CARM1: variants seen among roughly 807,000 people sequenced by gnomAD.
The protein encoded by CARM1 is coactivator associated arginine methyltransferase 1, also known as histone-arginine methyltransferase CARM1.
CARM1 carries 14 observed loss-of-function variants against 72.7 expected under a neutral mutation model. That is an observed-to-expected ratio of 0.19 (90% CI 0.13 to 0.30). CARM1 has a LOEUF of 0.30. CARM1 is among the 10% of genes least tolerant of loss of function. CARM1 has a pLI of 1.00. For synonymous variants in CARM1, 333 were observed against 345.5 expected, an observed-to-expected ratio of 0.96 and a Z score of 0.40; for missense variants, 432 against 833.7, an observed-to-expected ratio of 0.52 and a Z score of 5.93.
In CARM1 at chr19:10,920,131, T is replaced by C. The variant is rs957274589; in HGVS notation, c.1196+165T>C. ...GAGACTGTTGTGGGTGGGGTGTGTGTGTGTGTGTGTGTATGTGTGTGTGTG... is the reference window on the plus strand; with the variant it reads ...GAGACTGTTGTGGGTGGGGTGTGTGCGTGTGTGTGTGTATGTGTGTGTGTG... On this transcript the variant is annotated intron_variant, in intron 10 of 15. Coordinates refer to ENST00000327064, the MANE Select transcript of CARM1 (RefSeq NM_199141.2). This position sits in a 1 kb window ranked among gnomAD's most constrained non-coding sequence, Gnocchi z 5.3. Among the ~76,000 whole-genome samples, 2 of 151,506 alleles carry C rather than the reference T, an allele frequency of 1.3e-5. No individual in the cohort carries two copies. The highest frequency in any genetic ancestry group is 2.9e-5 in the Non-Finnish European group (2 of 67,860).
In CARM1 at chr19:10,901,175, A is replaced by G. The variant is rs150753825; in HGVS notation, c.221-3776A>G. 1.3e-3 allele frequency among the ~76,000 whole-genome samples: 200 copies of G among 148,984 alleles called. 2 individuals are homozygous for G. The highest frequency in any genetic ancestry group is 4.6e-3 in the African/African-American group (187 of 40,220). On this transcript the variant is annotated intron_variant, in intron 1 of 15. Transcript: ENST00000327064. Reference sequence around the variant, plus strand: ...TTTTTGTGTTTTTAGTAGAGACGGCATTTTGCCATGTTGACCAGGCTGGTC... The same window carrying G: ...TTTTTGTGTTTTTAGTAGAGACGGCGTTTTGCCATGTTGACCAGGCTGGTC...
At chr19:10,897,541 C>T (rs1257369236) in intron 1 of CARM1, among the ~76,000 whole-genome samples, 3 of 152,192 alleles carry the variant, frequency 2.0e-5, no homozygotes, top group South Asian at 2.1e-4. Context: ...TCATCAGGGC[C>T]GACTGCAGTG....
At position 10,905,020 on chromosome 19, in the gene CARM1, C is replaced by T; in HGVS notation, c.290C>T (p.Ser97Phe). 1 of 1,614,202 alleles carries T rather than the reference C, an allele frequency of 6.2e-7. No individual in the cohort carries two copies. Among genetic ancestry groups the T allele is most frequent in the Non-Finnish European group, 8.5e-7 (1 of 1,180,012 alleles). ...ETECSRVGKQ[S>F]FIITLGCNSV... is the part of the protein sequence containing the mutation. Reference sequence around the variant, plus strand: ...GAGTGCAGCCGTGTGGGCAAGCAGTCCTTCATCATCACCCTGGGCTGCAAC... The same window carrying T: ...GAGTGCAGCCGTGTGGGCAAGCAGTTCTTCATCATCACCCTGGGCTGCAAC... Residue 97 changes from serine to phenylalanine, a missense_variant, in exon 2 of 16, where the codon TCC (serine) becomes TTC (phenylalanine). By Grantham distance (155) the Ser-to-Phe change is radical. Coordinates refer to ENST00000327064, the MANE Select transcript of CARM1 (RefSeq NM_199141.2).
intron 1 of CARM1, among the ~76,000 whole-genome samples, chr19:10,891,605 A>C (rs573299810): frequency 1.7e-4 from 26 of 152,298 alleles, no homozygotes; most frequent in African/African-American, 6.0e-4. Context: ...GCAGGGTCCA[A>C]AAGGATGTTG....
rs963156066 is a variant in CARM1, at chr19:10,915,232, G to C, written c.848-1175G>C. Among the ~76,000 whole-genome samples, 2 of 152,288 alleles carry C rather than the reference G, an allele frequency of 1.3e-5. No individual in the cohort carries two copies. Among genetic ancestry groups the C allele is most frequent in the Admixed American group, 1.3e-4 (2 of 15,296 alleles). On this transcript the variant is annotated intron_variant, in intron 6 of 15. Coordinates refer to ENST00000327064, the MANE Select transcript of CARM1 (RefSeq NM_199141.2). The surrounding 1 kb of genome is among the most constrained non-coding windows in gnomAD (Gnocchi z 4.6). Reference sequence around the variant, plus strand: ...TATGGGAAGCAAGGCTGCTCCAGGGGCTGTGGGCCCCACTCTCCTCCCCTT... The same window carrying C: ...TATGGGAAGCAAGGCTGCTCCAGGGCCTGTGGGCCCCACTCTCCTCCCCTT...
At chr19:10,904,809 A>G (rs571928854) in intron 1 of CARM1, 142 bp from the exon 2 acceptor site, 106 of 1,085,872 alleles carry the variant, frequency 9.8e-5, no homozygotes, top group South Asian at 1.3e-4. Context: ...GCACCCGGCA[A>G]TGCTGCCAGG....
At chr19:10,902,290 CTTTTTTT>C (rs869120010) in intron 1 of CARM1, among the ~76,000 whole-genome samples, 1 of 114,782 alleles carries the variant, frequency 8.7e-6, no homozygotes, top group Non-Finnish European at 1.7e-5. Flanking sequence ...ATTGTTGTTT[CTTTTTTT>C]TTTTTTTTTT....
chr19:10,917,712 CTTTTTCTTTTTT>C (rs1380614096), intron 8 of CARM1, among the ~76,000 whole-genome samples: 2 of 144,396 alleles, frequency 1.4e-5, no homozygotes, highest in Non-Finnish European at 3.0e-5. Context: ...CTCTCATTTT[CTTTTTCTTTTTT>C]TTTTTTTTTT....
chr19:10,889,030 G>T (rs1446934871), intron 1 of CARM1, among the ~76,000 whole-genome samples: 2 of 152,196 alleles, frequency 1.3e-5, no homozygotes, highest in Non-Finnish European at 2.9e-5. Flanking sequence ...GACTGAAGAA[G>T]CTTCACAGTG....
intron 6 of CARM1, among the ~76,000 whole-genome samples, chr19:10,914,891 G>T (rs1456157068): frequency 6.6e-6 from 1 of 152,208 alleles, no homozygotes; most frequent in South Asian, 2.1e-4. Context: ...CTGTCTTGGG[G>T]TCTGTGCAGC....
intron 4 of CARM1, among the ~76,000 whole-genome samples, chr19:10,910,627 A>T (rs1281405407): frequency 6.7e-6 from 1 of 149,342 alleles, no homozygotes; most frequent in African/African-American, 2.5e-5. Context: ...GTGCAGTGAC[A>T]CAATCTCGGC....
rs984768015 is a variant in CARM1, at chr19:10,913,964, A to C, written c.757A>C (p.Ile253Leu). ...GGTGTCACTCCCCGAGCAGGTGGACATCATCATCTCGGAGCCCATGGGCTA... is the reference window on the plus strand; with the variant it reads ...GGTGTCACTCCCCGAGCAGGTGGACCTCATCATCTCGGAGCCCATGGGCTA... Reference protein sequence around the residue: ...EEVSLPEQVDIIISEPMGYML... With the variant: ...EEVSLPEQVDLIISEPMGYML... The change falls in exon 6 of 16, where the codon ATC (isoleucine) becomes CTC (leucine). Residue 253 changes from isoleucine to leucine, a missense_variant. Transcript: ENST00000327064. 1 of 1,613,814 alleles carries C rather than the reference A, an allele frequency of 6.2e-7. No homozygotes were observed. The highest frequency in any genetic ancestry group is 8.5e-7 in the Non-Finnish European group (1 of 1,179,972).
At position 10,923,026 on chromosome 19, in the gene CARM1, C is replaced by A. The variant is rs2074286439; in HGVS notation, c.*1269C>A. 2.7e-6 allele frequency: 1 copy of A among 376,416 alleles called. No homozygotes were observed. The highest frequency in any genetic ancestry group is 4.7e-6 in the Non-Finnish European group (1 of 211,652). 23.3% of individuals were successfully genotyped at this position (376,416 alleles called of 1,614,324 possible). On this transcript the variant is annotated 3_prime_UTR_variant, in exon 16 of 16. Transcript: ENST00000327064. ...CCCCTCGCCCGCCTTTATATAAATT[C>A]TCTGAATCACCTTTGCATAGAAAAT...
intron 1 of CARM1, among the ~76,000 whole-genome samples, chr19:10,897,343 T>G (rs140414315): frequency 6.6e-6 from 1 of 152,300 alleles, no homozygotes; most frequent in East Asian, 1.9e-4. Context: ...GTCACTCTTA[T>G]GTCATGTGAC....
intron 1 of CARM1, among the ~76,000 whole-genome samples, chr19:10,902,117 A>G (rs1599699819): frequency 6.6e-6 from 1 of 151,860 alleles, no homozygotes; most frequent in Non-Finnish European, 1.5e-5. Flanking sequence ...GGTGGTGCAC[A>G]CCTGTAGTCC....
At chr19:10,886,245 G>A (rs895851024) in intron 1 of CARM1, among the ~76,000 whole-genome samples, 6 of 151,648 alleles carry the variant, frequency 4.0e-5, no homozygotes, top group African/African-American at 1.2e-4. Context: ...TAGTAGAGAC[G>A]GGTTTTCTCC....
Position 10,871,917 on chromosome 19 carries a change from A to G in CARM1, c.215A>G (p.Tyr72Cys). 2.5e-6 allele frequency: 3 copies of G among 1,199,862 alleles called. No individual in the cohort carries two copies. The highest frequency in any genetic ancestry group is 3.1e-6 in the Non-Finnish European group (3 of 965,634). The allele number at this position is 1,199,862 out of a possible 1,614,324, so 74.3% of individuals were successfully genotyped here. ...CCGGACTCGGCGGGCATCGCCCTCT[A>G]CAGCCGTGAGTACGGGGCCCCGGGG... The part of the protein sequence containing the change: ...AGPDSAGIAL[Y>C]SHEDVCVFKC... Residue 72 changes from tyrosine (Y) to cysteine (C), a missense_variant, in exon 1 of 16, where the codon TAC becomes TGC. Physicochemically the swap from Tyr to Cys is radical, Grantham distance 194. This residue lies in a region of CARM1 where 138 missense variants were observed against 192.3 expected (regional missense o/e 0.72). Transcript: ENST00000327064. The surrounding 1 kb of genome is among the most constrained non-coding windows in gnomAD (Gnocchi z 5.6).
chr19:10,890,924 T>TG (rs1332668869), intron 1 of CARM1, among the ~76,000 whole-genome samples: 5 of 150,194 alleles, frequency 3.3e-5, no homozygotes, highest in African/African-American at 1.2e-4. Flanking sequence ...GTGCTATGAC[T>TG]GGGCGGGCCA....
At chr19:10,903,500 T>C (rs1350869091) in intron 1 of CARM1, among the ~76,000 whole-genome samples, 2 of 152,176 alleles carry the variant, frequency 1.3e-5, no homozygotes, top group Non-Finnish European at 2.9e-5. Flanking sequence ...CACAATACCA[T>C]TGTCACATCC....
Sources: gnomAD v4.1 joint callset for allele counts (sites outside exome capture counted in the v4.1 genomes callset) on GRCh38, gnomAD v4.1.1 for gene constraint, gnomAD v4.1.1 regional missense constraint, Gnocchi (gnomAD v3.1) non-coding constraint, MANE v1.5 for transcripts, NCBI Gene and HGNC (gene_info 2026-07-23, HGNC 2026-07-21) for gene names.